The following PCDHA2 variants were observed in gnomAD, a reference collection of about 807,000 sequenced individuals.
PCDHA2 encodes the protein protocadherin alpha 2, also known as protocadherin alpha-2.
Under a neutral mutation model 66.0 loss-of-function variants are expected in PCDHA2, and 58 were observed. The observed-to-expected ratio is 0.88, with a 90% CI of 0.71 to 1.09. The LOEUF (loss-of-function observed/expected upper bound fraction) is 1.09. Among genes scored for constraint, PCDHA2 ranks in the 50% least tolerant of loss-of-function variants. The pLI, the probability that PCDHA2 is intolerant of heterozygous loss-of-function variation, is 0.00. For synonymous variants in PCDHA2, 634 were observed against 554.0 expected (o/e 1.14, Z -2.03); for missense variants, 1,267 against 1,242.3 (o/e 1.02, Z -0.30).
chr5:140,938,385 A>G (rs952402645), intron 1 of PCDHA2, among the ~76,000 whole-genome samples: 8 of 152,202 alleles, frequency 5.3e-5, no homozygotes, highest in Admixed American at 2.6e-4. Flanking sequence ...TAAATATTTA[A>G]TATGAAATAC....
At chr5:140,882,267 C>A in intron 1 of PCDHA2, 1 of 1,610,288 alleles carries the variant, frequency 6.2e-7, no homozygotes, top group Non-Finnish European at 8.5e-7. Context: ...TTGGAGTGTA[C>A]CATGCTGTCT....
chr5:140,917,249 G>A (rs1439724525), intron 1 of PCDHA2, among the ~76,000 whole-genome samples: 1 of 149,466 alleles, frequency 6.7e-6, no homozygotes, highest in African/African-American at 2.5e-5. Flanking sequence ...TACTACGATT[G>A]CTCACCTGAT....
chr5:140,967,810 C>T, intron 1 of PCDHA2: 1 of 1,614,176 alleles, frequency 6.2e-7, no homozygotes, highest in Non-Finnish European at 8.5e-7. Context: ...TGGCAGGTCA[C>T]TGCAAGGTGC....
intron 1 of PCDHA2, among the ~76,000 whole-genome samples, chr5:140,952,265 G>A (rs1292970434): frequency 6.6e-6 from 1 of 151,556 alleles, no homozygotes; most frequent in African/African-American, 2.4e-5. Context: ...CCCATTCTGG[G>A]GTCTTGAGGG....
intron 1 of PCDHA2, among the ~76,000 whole-genome samples, chr5:140,904,645 T>A (rs1554191647): frequency 6.6e-6 from 1 of 152,128 alleles, no homozygotes; most frequent in Non-Finnish European, 1.5e-5. Context: ...CTCCACACTG[T>A]TTTCCATAGT....
At chr5:140,841,911 G>GA (rs2150325443) in intron 1 of PCDHA2, 1 of 1,613,886 alleles carries the variant, frequency 6.2e-7, no homozygotes, top group Non-Finnish European at 8.5e-7. Flanking sequence ...CTCGTATTAA[G>GA]AAAATCCTTG....
chr5:140,949,075 C>G (rs1459435331), intron 1 of PCDHA2, among the ~76,000 whole-genome samples: 1 of 151,470 alleles, frequency 6.6e-6, no homozygotes, highest in Non-Finnish European at 1.5e-5. Flanking sequence ...ACTCTTTCAC[C>G]CATTTATTAC....
chr5:140,830,462 T>C, intron 1 of PCDHA2: 1 of 1,579,416 alleles, frequency 6.3e-7, no homozygotes, highest in Non-Finnish European at 8.6e-7. Flanking sequence ...GAATCAGGAT[T>C]TAAATGAAGA....
chr5:140,812,370 TTTTG>T (rs1765093822), intron 1 of PCDHA2: 1 of 152,132 alleles, frequency 6.6e-6, no homozygotes, highest in Non-Finnish European at 1.5e-5. Flanking sequence ...CTTCCAGTCT[TTTTG>T]TTTTTTTCTT....
chr5:140,849,469 A>T, intron 1 of PCDHA2: 1 of 1,589,622 alleles, frequency 6.3e-7, no homozygotes. Context: ...GCTGTCGATA[A>T]AGGCTTCCCA....
intron 1 of PCDHA2, chr5:140,827,876 G>T: frequency 1.5e-6 from 1 of 646,280 alleles, no homozygotes; most frequent in East Asian, 2.7e-5. Context: ...GCACTGTTAC[G>T]TGAATTGATT....
chr5:140,850,116 G>A, intron 1 of PCDHA2: 1 of 1,596,102 alleles, frequency 6.3e-7, no homozygotes, highest in Non-Finnish European at 8.6e-7. Context: ...GCGCGACGCG[G>A]GCGTGCCGCC....
chr5:140,926,891 G>A, intron 1 of PCDHA2: 9 of 1,545,914 alleles, frequency 5.8e-6, no homozygotes, highest in Non-Finnish European at 7.9e-6. Context: ...CCTAGAGGGA[G>A]GATGGTGGGC....
chr5:140,970,872 T>C (rs2096439604), intron 1 of PCDHA2, among the ~76,000 whole-genome samples: 3 of 152,158 alleles, frequency 2.0e-5, no homozygotes, highest in African/African-American at 7.2e-5. Flanking sequence ...TGATTGAGAG[T>C]AGATTTTTCT....
At chr5:140,843,607 G>C in intron 1 of PCDHA2, 1 of 1,596,080 alleles carries the variant, frequency 6.3e-7, no homozygotes, top group Non-Finnish European at 8.6e-7. Context: ...GCTCTGGTGA[G>C]GGGCCACCGA....
At chr5:140,809,335 G>C (rs1764432145) in intron 1 of PCDHA2, 2 of 1,613,974 alleles carry the variant, frequency 1.2e-6, no homozygotes, top group African/African-American at 2.7e-5. Context: ...TCACGCTGCT[G>C]CTGTACACCG....
At chr5:140,871,289 G>A (rs955449203) in intron 1 of PCDHA2, 1 of 1,613,792 alleles carries the variant, frequency 6.2e-7, no homozygotes, top group African/African-American at 1.3e-5. Context: ...CCCACTGAGG[G>A]CGCGTGCGCG....
intron 1 of PCDHA2, among the ~76,000 whole-genome samples, chr5:140,945,046 A>G (rs2093731107): frequency 2.0e-5 from 3 of 152,190 alleles, no homozygotes; most frequent in Non-Finnish European, 2.9e-5. Flanking sequence ...TTGGTCTTAT[A>G]TAAAGAAAAC....
At chr5:140,928,610 C>T (rs935238036) in intron 1 of PCDHA2, 1 of 1,614,254 alleles carries the variant, frequency 6.2e-7, no homozygotes, top group Non-Finnish European at 8.5e-7. Flanking sequence ...GTGCCCCGCT[C>T]TGCCAGGACT....
Sources: gnomAD v4.1 joint callset for allele counts (sites outside exome capture counted in the v4.1 genomes callset) on GRCh38, gnomAD v4.1.1 for gene constraint, MANE v1.5 for transcripts, NCBI Gene and HGNC (gene_info 2026-07-23, HGNC 2026-07-21) for gene names.